Variants in FAM13A observed in about 807,000 individuals in gnomAD.
The protein encoded by FAM13A is protein FAM13A.
In FAM13A, 76 loss-of-function variants were observed where a neutral mutation model predicts 129.6. That is an observed-to-expected ratio of 0.59 (90% CI 0.49 to 0.71). The LOEUF is 0.71. Among genes scored for constraint, FAM13A ranks in the 30% least tolerant of loss-of-function variants. FAM13A has a pLI of 0.00. For missense variants in FAM13A, 1,108 were observed against 1,249.3 expected (o/e 0.89, Z 1.70); for synonymous variants, 443 against 449.9 (o/e 0.98, Z 0.20).
rs766165705 is a variant in FAM13A, at chr4:88,732,186, C to A, written c.2659G>T (p.Gly887Trp). Residue 887 changes from glycine (G) to tryptophan (W), a missense_variant, in exon 22 of 24, where the codon GGG (glycine) becomes TGG (tryptophan). By Grantham distance (184) the Gly-to-Trp change is radical. Transcript: ENST00000264344. ...FFKEIKEEEE[G>W]SEDDSNVKPD... ...TTCACATTGCTATCGTCTTCTGACC[C>A]CTCCTCTTCTTCCTGGAGATACACA... The A allele has an allele frequency of 7.5e-6, 12 of 1,603,202 alleles. No individual in the cohort carries two copies. The Admixed American group carries it at 8.5e-5, about 11-fold the overall frequency.
intron 4 of FAM13A, 73 bp from the exon 5 acceptor site, chr4:88,938,314 T>A (rs1259989658): frequency 1.7e-6 from 2 of 1,189,606 alleles, no homozygotes; most frequent in Admixed American, 4.9e-5. Context: ...CTCAGACTTG[T>A]ATTTTGAAAT....
chr4:88,851,248 T>C lies in FAM13A; in HGVS notation c.844-65A>G, dbSNP rs892130547. Reference sequence around the variant, plus strand: ...AAATGTTAAAGTCTTTCAAATTAAGTTTATGATAAAAGACAATTTATTCCA... The same window carrying C: ...AAATGTTAAAGTCTTTCAAATTAAGCTTATGATAAAAGACAATTTATTCCA... On this transcript the variant is annotated intron_variant, in intron 6 of 23. Transcript: ENST00000264344. 2.2e-6 allele frequency: 3 copies of C among 1,391,552 alleles called. No individual in the cohort carries two copies. In the African/African-American group the frequency reaches 4.3e-5, roughly 20 times the overall value. 86.2% of individuals were successfully genotyped at this position (1,391,552 alleles called of 1,614,324 possible).
At chr4:88,920,565 A>G (rs1433735254) in intron 5 of FAM13A, among the ~76,000 whole-genome samples, 1 of 152,192 alleles carries the variant, frequency 6.6e-6, no homozygotes, top group Non-Finnish European at 1.5e-5. Context: ...CGCCATCATC[A>G]AAGACCAAAA....
rs115981310 is a variant in FAM13A at position 89,037,448 on chromosome 4, T to C, written c.28-7799A>G. On this transcript the variant is annotated intron_variant, in intron 1 of 23. Transcript: ENST00000264344. ...CCTAACACCTGTACCCCATTTTATCTTGGAAGAAACTAACTTGGTAAAAAA... is the reference window on the plus strand; with the variant it reads ...CCTAACACCTGTACCCCATTTTATCCTGGAAGAAACTAACTTGGTAAAAAA... 1.0e-3 allele frequency among the ~76,000 whole-genome samples: 156 copies of C among 152,224 alleles called. 1 individual carries two copies. The highest frequency in any genetic ancestry group is 3.7e-3 in the Admixed American group (56 of 15,292).
intron 4 of FAM13A, 31 bp downstream of exon 4, chr4:88,990,942 T>G: frequency 1.0e-5 from 16 of 1,540,888 alleles, no homozygotes; most frequent in Non-Finnish European, 1.3e-5. Flanking sequence ...GGGGACATGA[T>G]GATATTAACA....
chr4:89,030,516 T>C (rs989645872), intron 1 of FAM13A, among the ~76,000 whole-genome samples: 1 of 152,152 alleles, frequency 6.6e-6, no homozygotes, highest in Non-Finnish European at 1.5e-5. Context: ...GGCAGTAAAA[T>C]TGGAGGAAAC....
In FAM13A at chr4:89,050,793, T is replaced by G. The variant is rs183098012; in HGVS notation, c.27+6145A>C. 4.1e-4 allele frequency among the ~76,000 whole-genome samples: 63 copies of G among 151,972 alleles called. No individual in the cohort carries two copies. The East Asian group carries it at 0.012, about 30-fold the overall frequency. On this transcript the variant is annotated intron_variant, in intron 1 of 23. Coordinates refer to ENST00000264344, the MANE Select transcript of FAM13A (RefSeq NM_014883.4). Reference sequence around the variant, plus strand: ...AAATACAAAAATCAGCTGGGTGTGGTGGTGGGTGCCTGTAATCCCAGCTAC... The same window carrying G: ...AAATACAAAAATCAGCTGGGTGTGGGGGTGGGTGCCTGTAATCCCAGCTAC...
At chr4:88,965,707 T>C (rs766356171) in intron 4 of FAM13A, among the ~76,000 whole-genome samples, 1 of 152,138 alleles carries the variant, frequency 6.6e-6, no homozygotes, top group Admixed American at 6.5e-5. Flanking sequence ...CCATATCCAT[T>C]AAACATATCT....
intron 11 of FAM13A, among the ~76,000 whole-genome samples, chr4:88,769,229 A>G (rs1011104415): frequency 6.6e-6 from 1 of 152,224 alleles, no homozygotes; most frequent in Non-Finnish European, 1.5e-5. Flanking sequence ...AAACACATAG[A>G]GGAGAAAACT....
At chr4:89,043,137 C>A (rs2149163727) in intron 1 of FAM13A, among the ~76,000 whole-genome samples, 1 of 152,268 alleles carries the variant, frequency 6.6e-6, no homozygotes, top group Middle Eastern at 3.4e-3. Context: ...AACTCTCCTA[C>A]AAATACTTAC....
At chr4:88,997,229 C>T (rs1301027564) in intron 3 of FAM13A, among the ~76,000 whole-genome samples, 1 of 152,110 alleles carries the variant, frequency 6.6e-6, no homozygotes, top group African/African-American at 2.4e-5. Flanking sequence ...TTCGTAAGTC[C>T]AAAAATTCTA....
At position 88,790,595 on chromosome 4, in the gene FAM13A, G is replaced by T; in HGVS notation, c.1082C>A (p.Ala361Glu). 6.3e-7 allele frequency: 1 copy of T among 1,590,146 alleles called. No individual in the cohort carries two copies. The highest frequency in any genetic ancestry group is 8.6e-7 in the Non-Finnish European group (1 of 1,165,158). The part of the protein sequence containing the change: ...AHVPQVSNVS[A>E]TGELLERTIR... ...AACCCAAATAACTTACTCTCCGGTT[G>T]CAGACACATTGCTGACTTGGGGTAC... The change falls in exon 9 of 24, where the codon GCA (alanine) becomes GAA (glutamate). Residue 361 changes from alanine to glutamate, a missense_variant. By Grantham distance (107) the Ala-to-Glu change is moderately radical. Transcript: ENST00000264344.
chr4:88,823,337 C>T, intron 7 of FAM13A: 2 of 1,101,578 alleles, frequency 1.8e-6, no homozygotes, highest in Non-Finnish European at 2.2e-6. Flanking sequence ...TCCTCCCCCG[C>T]ACCCTACTCC....
intron 7 of FAM13A, among the ~76,000 whole-genome samples, chr4:88,811,340 T>G (rs1383090060): frequency 6.6e-6 from 1 of 152,120 alleles, no homozygotes; most frequent in African/African-American, 2.4e-5. Context: ...GTGAAGGACA[T>G]CATTTTGCAT....
At chr4:88,792,696 A>T (rs1165309483) in intron 8 of FAM13A, among the ~76,000 whole-genome samples, 1 of 152,060 alleles carries the variant, frequency 6.6e-6, no homozygotes, top group Admixed American at 6.6e-5. Context: ...AGAGTAAAGA[A>T]TGTGGATCTG....
intron 3 of FAM13A, among the ~76,000 whole-genome samples, chr4:89,013,537 T>A (rs1160916635): frequency 6.6e-6 from 1 of 152,124 alleles, no homozygotes; most frequent in Non-Finnish European, 1.5e-5. Context: ...ACTGAGGGAC[T>A]ACATATATGA....
chr4:88,771,467 G>C (rs1395467290), intron 11 of FAM13A, among the ~76,000 whole-genome samples: 1 of 152,080 alleles, frequency 6.6e-6, no homozygotes, highest in Non-Finnish European at 1.5e-5. Flanking sequence ...AAAATATTGA[G>C]TCATTGTCTT....
chr4:89,036,720 T>C (rs1230723938), intron 1 of FAM13A, among the ~76,000 whole-genome samples: 1 of 152,148 alleles, frequency 6.6e-6, no homozygotes, highest in African/African-American at 2.4e-5. Flanking sequence ...GAAGAATGGT[T>C]TCCTGGGCCA....
intron 6 of FAM13A, among the ~76,000 whole-genome samples, chr4:88,898,502 A>C (rs1424989685): frequency 6.6e-6 from 1 of 152,182 alleles, no homozygotes; most frequent in Admixed American, 6.5e-5. Context: ...AAGTTTTATA[A>C]GGAAAGATTT....
Sources: gnomAD v4.1 joint callset for allele counts (sites outside exome capture counted in the v4.1 genomes callset) on GRCh38, gnomAD v4.1.1 for gene constraint, MANE v1.5 for transcripts, NCBI Gene and HGNC (gene_info 2026-07-23, HGNC 2026-07-21) for gene names.